Variants in TXNRD2 observed in about 807,000 individuals in gnomAD.
The protein encoded by TXNRD2 is thioredoxin reductase 2.
In TXNRD2, 67 loss-of-function variants were observed where a neutral mutation model predicts 70.8. The observed-to-expected ratio is 0.95, with a 90% CI of 0.78 to 1.16. The LOEUF is 1.16. TXNRD2 is among the 50% of genes most tolerant of loss of function. The pLI, the probability that TXNRD2 is intolerant of heterozygous loss-of-function variation, is 0.00. For missense variants in TXNRD2, 644 were observed against 719.9 expected (o/e 0.89, Z 1.21); for synonymous variants, 301 against 295.8 (o/e 1.02, Z -0.18).
At chr22:19,888,704 C>T (rs1009411433) in intron 11 of TXNRD2, among the ~76,000 whole-genome samples, 1 of 152,130 alleles carries the variant, frequency 6.6e-6, no homozygotes, top group African/African-American at 2.4e-5. Context: ...CACACACAGG[C>T]CCTGTGGGCC....
Position 19,908,524 on chromosome 22 carries a change from C to G in TXNRD2, c.662+2853G>C, listed in dbSNP as rs79662054. On this transcript the variant is annotated intron_variant, in intron 8 of 17. Coordinates refer to ENST00000400521, the MANE Select transcript of TXNRD2 (RefSeq NM_006440.5). Reference sequence around the variant, plus strand: ...TGCACTGGCGAGGATGTGGGGAGCCCAGAGTCCTCCTGAACTGCTGGTGAG... The same window carrying G: ...TGCACTGGCGAGGATGTGGGGAGCCGAGAGTCCTCCTGAACTGCTGGTGAG... Among the ~76,000 whole-genome samples, 839 of 152,096 alleles carry G rather than the reference C, an allele frequency of 5.5e-3. 24 individuals carry two copies. In the South Asian group the frequency reaches 0.077, roughly 14 times the overall value.
In TXNRD2 at chr22:19,918,966, C is replaced by T. The variant is rs1313908318; in HGVS notation, c.268G>A (p.Gly90Ser). The change falls in exon 4 of 18, where the codon GGC becomes AGC. Residue 90 changes from glycine (G) to serine (S), a missense_variant. Coordinates refer to ENST00000400521, the MANE Select transcript of TXNRD2 (RefSeq NM_006440.5). ...WGLGGTCVNV[G>S]CIPKKLMHQA... ...TGCATCAGCTTCTTGGGGATGCAGC[C>T]CACGTTGACGCAGGTGCCGCCGAGG... 6.2e-7 allele frequency: 1 copy of T among 1,612,358 alleles called. No homozygotes were observed. The highest frequency in any genetic ancestry group is 1.7e-5 in the Admixed American group (1 of 59,992).
At chr22:19,912,733 C>A (rs1456231730) in intron 7 of TXNRD2, among the ~76,000 whole-genome samples, 1 of 152,356 alleles carries the variant, frequency 6.6e-6, no homozygotes. Context: ...GCATAAGCAA[C>A]CTGCCCCCTC....
chr22:19,897,365 A>G (rs1353209375), intron 10 of TXNRD2, among the ~76,000 whole-genome samples: 5 of 152,210 alleles, frequency 3.3e-5, no homozygotes, highest in Non-Finnish European at 7.3e-5. Flanking sequence ...CCTTCGTGGC[A>G]GTCATGGAGT....
intron 4 of TXNRD2, 68 bp from the exon 5 acceptor site, chr22:19,918,285 C>T: frequency 1.5e-6 from 2 of 1,298,514 alleles, no homozygotes; most frequent in Admixed American, 3.4e-5. Flanking sequence ...TCACGATGGA[C>T]TATTAGATTC....
At chr22:19,915,179 C>T (rs372889820) in intron 7 of TXNRD2, 35 bp downstream of exon 7, 51 of 1,608,472 alleles carry the variant, frequency 3.2e-5, no homozygotes, top group Admixed American at 2.4e-4. Flanking sequence ...GAATGGGCCA[C>T]GGCAGCAGGG....
At chr22:19,900,747 C>G (rs1420971547) in intron 8 of TXNRD2, among the ~76,000 whole-genome samples, 1 of 83,850 alleles carries the variant, frequency 1.2e-5, no homozygotes. Context: ...AAGACTCCAT[C>G]ACAAAAAAAA....
chr22:19,916,826 C>T (rs1470614001), intron 5 of TXNRD2, among the ~76,000 whole-genome samples: 2 of 151,992 alleles, frequency 1.3e-5, no homozygotes, highest in African/African-American at 4.8e-5. Context: ...TCAGGCTGGT[C>T]TCCAACTCCT....
chr22:19,938,471 G>A (rs1165137882), intron 1 of TXNRD2, among the ~76,000 whole-genome samples: 1 of 152,146 alleles, frequency 6.6e-6, no homozygotes, highest in Non-Finnish European at 1.5e-5. Flanking sequence ...AAAAAAGGTT[G>A]AGGGCCTAGT....
chr22:19,885,376 G>A (rs886840463), intron 11 of TXNRD2, among the ~76,000 whole-genome samples: 8 of 152,246 alleles, frequency 5.3e-5, no homozygotes, highest in East Asian at 1.9e-4. Context: ...TGAAGCTCCC[G>A]TGAGAGGGAA....
rs143760399 is a variant in TXNRD2, at chr22:19,900,273, C to T, written c.663-1205G>A. Reference sequence around the variant, plus strand: ...AAGCAGGATTGCAGAGATGCATTCCCAGCCCCGCTCAGGGCCGGCAACACT... The same window carrying T: ...AAGCAGGATTGCAGAGATGCATTCCTAGCCCCGCTCAGGGCCGGCAACACT... On this transcript the variant is annotated intron_variant, in intron 8 of 17. Coordinates refer to ENST00000400521, the MANE Select transcript of TXNRD2 (RefSeq NM_006440.5). 2.4e-3 allele frequency among the ~76,000 whole-genome samples: 364 copies of T among 152,322 alleles called. 2 individuals are homozygous for T. Among genetic ancestry groups the T allele is most frequent in the African/African-American group, 8.0e-3 (334 of 41,572 alleles).
At chr22:19,898,538 G>A (rs915531610) in intron 9 of TXNRD2, among the ~76,000 whole-genome samples, 16 of 124,780 alleles carry the variant, frequency 1.3e-4, no homozygotes, top group Middle Eastern at 4.8e-3. Context: ...TTTTTGAGAT[G>A]GAGTCTCATT....
intron 11 of TXNRD2, among the ~76,000 whole-genome samples, chr22:19,888,625 C>T (rs753180459): frequency 3.3e-5 from 5 of 152,192 alleles, no homozygotes; most frequent in Non-Finnish European, 7.3e-5. Context: ...CCAAGCACTG[C>T]GCCTGAGGAC....
At chr22:19,892,330 G>A (rs767795549) in intron 11 of TXNRD2, among the ~76,000 whole-genome samples, 7 of 152,254 alleles carry the variant, frequency 4.6e-5, no homozygotes, top group African/African-American at 1.4e-4. Flanking sequence ...GAGCAGCAGC[G>A]AAGTCAGCAC....
Position 19,933,359 on chromosome 22 carries a change from T to A in TXNRD2, c.104-2261A>T, listed in dbSNP as rs1941434563. On this transcript the variant is annotated intron_variant, in intron 1 of 17. Transcript: ENST00000400521. ...ATGCCACCAGGTCCCCCGGGGAGCA[T>A]GAACCTGCTGATGGAGAAGCATCTC... 35 of 1,055,246 alleles carry A rather than the reference T, an allele frequency of 3.3e-5. 1 individual carries two copies. In the South Asian group the frequency reaches 4.6e-4, roughly 14 times the overall value. 65.4% of individuals were successfully genotyped at this position (1,055,246 alleles called of 1,614,324 possible).
intron 1 of TXNRD2, chr22:19,932,545 G>A: frequency 2.0e-6 from 3 of 1,503,616 alleles, no homozygotes; most frequent in Non-Finnish European, 2.7e-6. Flanking sequence ...AACTGGGCCT[G>A]AGGTCCGGGA....
chr22:19,918,314 A>G, intron 4 of TXNRD2, 97 bp from the exon 5 acceptor site: 1 of 1,131,806 alleles, frequency 8.8e-7, no homozygotes, highest in Non-Finnish European at 1.3e-6. Context: ...CATTCATAGA[A>G]ATATCAAAAA....
intron 8 of TXNRD2, among the ~76,000 whole-genome samples, chr22:19,909,891 A>ACACACACCACT (rs1569093982): frequency 8.8e-4 from 19 of 21,484 alleles, no homozygotes; most frequent in Non-Finnish European, 1.0e-3. Context: ...CACCACTCAC[A>ACACACACCACT]CACACACACA....
intron 8 of TXNRD2, 67 bp from the exon 9 acceptor site, chr22:19,899,135 C>T: frequency 6.3e-7 from 1 of 1,596,194 alleles, no homozygotes; most frequent in Non-Finnish European, 8.5e-7. Context: ...GCAGTCAGAG[C>T]AGAACCCCGC....
Sources: allele counts gnomAD v4.1 joint callset (sites outside exome capture counted in the v4.1 genomes callset), GRCh38; gene constraint gnomAD v4.1.1; transcripts MANE v1.5; gene names NCBI Gene and HGNC (gene_info 2026-07-23, HGNC 2026-07-21).